The following CNTNAP3 variants were observed in gnomAD, a reference collection of about 807,000 sequenced individuals.
CNTNAP3 encodes the protein contactin associated protein family member 3.
A neutral mutation model predicts 92.1 loss-of-function variants in CNTNAP3; 36 were observed. That is an observed-to-expected ratio of 0.39 (90% CI 0.30 to 0.52). CNTNAP3 has a LOEUF of 0.52. CNTNAP3 is among the 20% of genes least tolerant of loss of function. CNTNAP3 has a pLI of 0.76. For synonymous variants in CNTNAP3, 232 were observed against 422.3 expected (o/e 0.55, Z 5.53); for missense variants, 534 against 1,069.6 (o/e 0.50, Z 6.98).
chr9:39,150,130 A>G (rs1821808428), intron 9 of CNTNAP3, among the ~76,000 whole-genome samples, 153 bp from the exon 10 acceptor site: 1 of 152,020 alleles, frequency 6.6e-6, no homozygotes, highest in Admixed American at 6.6e-5. Flanking sequence ...AGAAGGGGCA[A>G]GGTTAGAACT....
At chr9:39,118,454 T>A (rs1820914879) in intron 13 of CNTNAP3, among the ~76,000 whole-genome samples, 195 bp from the exon 14 acceptor site, 1 of 152,136 alleles carries the variant, frequency 6.6e-6, no homozygotes. Context: ...CCCCCAATAT[T>A]TCAATATCTA....
intron 13 of CNTNAP3, among the ~76,000 whole-genome samples, chr9:39,132,073 G>A (rs550473088): frequency 7.2e-5 from 11 of 152,086 alleles, no homozygotes; most frequent in Admixed American, 4.6e-4. Flanking sequence ...CCAAGCTGGA[G>A]GCAGTGAAGC....
At chr9:39,128,371 G>A (rs896155917) in intron 13 of CNTNAP3, among the ~76,000 whole-genome samples, 2 of 152,022 alleles carry the variant, frequency 1.3e-5, no homozygotes, top group African/African-American at 4.8e-5. Flanking sequence ...AAACACATTA[G>A]AAATGTATTT....
intron 15 of CNTNAP3, among the ~76,000 whole-genome samples, chr9:39,107,904 A>G (rs116958574): frequency 2.0e-5 from 3 of 152,198 alleles, no homozygotes; most frequent in Non-Finnish European, 2.9e-5. Context: ...TAACAGAATA[A>G]TTAATGCCAA....
At chr9:39,140,049 C>G (rs1821536074) in intron 12 of CNTNAP3, 3 of 154,634 alleles carry the variant, frequency 1.9e-5, no homozygotes. Context: ...CCAGCCCAAG[C>G]AGTGTTCATT....
intron 14 of CNTNAP3, 24 bp downstream of exon 14, chr9:39,118,079 G>A: frequency 6.3e-7 from 1 of 1,583,372 alleles, no homozygotes; most frequent in Non-Finnish European, 8.6e-7. Context: ...ACATTTTTGT[G>A]CAGGGAAATC....
intron 13 of CNTNAP3, among the ~76,000 whole-genome samples, chr9:39,131,858 T>C (rs1449204038): frequency 1.3e-5 from 2 of 150,010 alleles, no homozygotes; most frequent in Non-Finnish European, 2.9e-5. Flanking sequence ...TTCCAGGGGC[T>C]GATTGGCCAG....
intron 14 of CNTNAP3, among the ~76,000 whole-genome samples, chr9:39,115,363 T>C (rs1820831904): frequency 6.6e-6 from 1 of 152,062 alleles, no homozygotes; most frequent in African/African-American, 2.4e-5. Flanking sequence ...GTCTACACCT[T>C]AATCTAAATT....
chr9:39,158,995 G>T (rs1446755633), intron 9 of CNTNAP3: 1 of 120,780 alleles, frequency 8.3e-6, no homozygotes, highest in Non-Finnish European at 1.7e-5. Flanking sequence ...TCACATTCTG[G>T]AGTTCATATG....
intron 13 of CNTNAP3, among the ~76,000 whole-genome samples, chr9:39,123,332 G>A (rs1227235549): frequency 6.6e-6 from 1 of 151,952 alleles, no homozygotes; most frequent in African/African-American, 2.4e-5. Flanking sequence ...CTGAACTTGT[G>A]ATCCGCCCGC....
At chr9:39,136,326 T>G (rs1378168900) in intron 12 of CNTNAP3, among the ~76,000 whole-genome samples, 1 of 152,032 alleles carries the variant, frequency 6.6e-6, no homozygotes, top group Non-Finnish European at 1.5e-5. Context: ...CCCATTCCTA[T>G]ATGTCCCAGA....
In CNTNAP3 at chr9:39,130,816, C is replaced by T. The variant is rs1312332799; in HGVS notation, c.2080+2116G>A. 2.0e-5 allele frequency among the ~76,000 whole-genome samples: 3 copies of T among 151,104 alleles called. No individual in the cohort carries two copies. In the East Asian group the frequency reaches 5.8e-4, roughly 29 times the overall value. The stretch of plus-strand genomic sequence containing the variant: ...CCGTGCCCGGCCAATAGGAGGAATT[C>T]TTGTGCTGATGGAAATACTGTGTAT... On this transcript the variant is annotated intron_variant, in intron 13 of 23. Transcript: ENST00000297668.
In CNTNAP3 at chr9:39,140,527, T is replaced by C. The variant is rs761873117; in HGVS notation, c.1868A>G (p.Asn623Ser). ...GPLGPFLVYC[N>S]MTADAAWTVV... The stretch of plus-strand genomic sequence containing the variant: ...AACGATTATCAACATACCTGTCATA[T>C]TGCAGTACACAAGAAATGGTCCCAG... The change falls in exon 12 of 24, where the codon AAT becomes AGT. Residue 623 changes from asparagine (N) to serine (S), a missense_variant. By Grantham distance (46) the Asn-to-Ser change is conservative. Coordinates refer to ENST00000297668, the MANE Select transcript of CNTNAP3 (RefSeq NM_033655.5). 5.0e-6 allele frequency: 8 copies of C among 1,613,764 alleles called. No homozygotes were observed. The highest frequency in any genetic ancestry group is 2.2e-5 in the East Asian group (1 of 44,874).
rs1826074475 is a variant in CNTNAP3, at chr9:39,086,905, G to C, written c.3221-56C>G. ...TAAAGTGGTATTTTATAAAACTCTT[G>C]ATACAGATTCTAGAGCACTTTTATT... is the stretch of plus-strand genomic sequence containing the variant. On this transcript the variant is annotated intron_variant, in intron 19 of 23. Transcript: ENST00000297668. 4 of 1,170,788 alleles carry C rather than the reference G, an allele frequency of 3.4e-6. No individual in the cohort carries two copies. The South Asian group carries it at 4.5e-5, about 13-fold the overall frequency. The allele number at this position is 1,170,788 out of a possible 1,614,324, so 72.5% of individuals were successfully genotyped here.
chr9:39,108,787 A>C (rs983593809), intron 15 of CNTNAP3, among the ~76,000 whole-genome samples: 1 of 152,160 alleles, frequency 6.6e-6, no homozygotes, highest in Non-Finnish European at 1.5e-5. Flanking sequence ...GAAAATAGAG[A>C]GTGTCCAATA....
chr9:39,112,815 T>C (rs1820740703), intron 14 of CNTNAP3, among the ~76,000 whole-genome samples: 1 of 152,194 alleles, frequency 6.6e-6, no homozygotes, highest in South Asian at 2.1e-4. Flanking sequence ...ACTACAGCAA[T>C]ACAGTATGTC....
intron 11 of CNTNAP3, 109 bp from the exon 12 acceptor site, chr9:39,140,747 A>T (rs1821555836): frequency 6.9e-7 from 1 of 1,442,680 alleles, no homozygotes; most frequent in Non-Finnish European, 9.2e-7. Flanking sequence ...ATATGACCCA[A>T]CATCATTTTG....
chr9:39,149,224 C>T (rs534281192), intron 10 of CNTNAP3, among the ~76,000 whole-genome samples: 107 of 152,222 alleles, frequency 7.0e-4, no homozygotes, highest in Non-Finnish European at 1.4e-3. Context: ...GTTGCAAAAG[C>T]GAGCTTGATA....
chr9:39,135,656 C>T (rs7041867), intron 12 of CNTNAP3, among the ~76,000 whole-genome samples: 4,787 of 152,184 alleles, frequency 0.031, 130 homozygotes, highest in East Asian at 0.11. Flanking sequence ...TAAAAATGCA[C>T]TTTAATACAT....
Sources: gnomAD v4.1 joint callset for allele counts (sites outside exome capture counted in the v4.1 genomes callset) on GRCh38, gnomAD v4.1.1 for gene constraint, MANE v1.5 for transcripts, NCBI Gene and HGNC (gene_info 2026-07-23, HGNC 2026-07-21) for gene names.